The following FCF1 variants were observed in gnomAD, a reference collection of about 807,000 sequenced individuals.
The protein encoded by FCF1 is FCF1 rRNA-processing protein.
FCF1 carries 17 observed loss-of-function variants against 32.5 expected under a neutral mutation model. That is an observed-to-expected ratio of 0.52 (90% CI 0.36 to 0.78). The LOEUF (loss-of-function observed/expected upper bound fraction) is 0.78. FCF1 is among the 30% of genes least tolerant of loss of function. The probability of loss-of-function intolerance (pLI) is 0.00; values close to 1 mark genes in which losing one functional copy is unlikely to be tolerated. For synonymous variants in FCF1, 84 were observed against 78.4 expected, an observed-to-expected ratio of 1.07 and a Z score of -0.38; for missense variants, 201 against 241.1, an observed-to-expected ratio of 0.83 and a Z score of 1.10.
chr14:74,723,578 C>T (rs1026945520), intron 5 of FCF1, among the ~76,000 whole-genome samples: 1 of 151,806 alleles, frequency 6.6e-6, no homozygotes, highest in Non-Finnish European at 1.5e-5. Context: ...CCTGTAATCC[C>T]AGCACTTTGG....
chr14:74,726,055 T>C (rs2090574140), intron 5 of FCF1, among the ~76,000 whole-genome samples: 1 of 151,784 alleles, frequency 6.6e-6, no homozygotes, highest in Non-Finnish European at 1.5e-5. Flanking sequence ...TGAGACCTTG[T>C]CTCTTTAAAA....
intron 3 of FCF1, 158 bp from the exon 4 acceptor site, chr14:74,715,793 T>C (rs764439067): frequency 2.6e-6 from 4 of 1,539,564 alleles, no homozygotes; most frequent in Non-Finnish European, 2.6e-6. Flanking sequence ...GATAATGATA[T>C]TACTTTCTTC....
chr14:74,732,736 C>G lies in FCF1; in HGVS notation c.371C>G (p.Ala124Gly). Residue 124 changes from alanine to glycine, a missense_variant, in exon 6 of 8, where the codon GCC (alanine) becomes GGC (glycine). Physicochemically the swap from Ala to Gly is moderately conservative, Grantham distance 60 (BLOSUM62 0). Transcript: ENST00000341162. The stretch of plus-strand genomic sequence containing the variant: ...TTTCTTTAATCCACCTACAGGATTG[C>G]CAAGGATCCAAGATTTGAACGATTA... ...GQKYRVALRI[A>G]KDPRFERLPC... 1 of 1,609,918 alleles carries G rather than the reference C, an allele frequency of 6.2e-7. No individual in the cohort carries two copies. Among genetic ancestry groups the G allele is most frequent in the African/African-American group, 1.3e-5 (1 of 74,878 alleles).
Position 74,735,467 on chromosome 14 carries a change from T to C in FCF1, c.*537T>C, listed in dbSNP as rs2090694832. The stretch of plus-strand genomic sequence containing the variant: ...TGCAACTGAATTTCTGCTTACACAT[T>C]TTTAAATTTCTTTTAATTGCTTTTC... On this transcript the variant is annotated 3_prime_UTR_variant, in exon 8 of 8. Coordinates refer to ENST00000341162, the MANE Select transcript of FCF1 (RefSeq NM_015962.5). 6.6e-6 allele frequency: 1 copy of C among 152,636 alleles called. No individual in the cohort carries two copies. The highest frequency in any genetic ancestry group is 1.5e-5 in the Non-Finnish European group (1 of 68,394). The allele number at this position is 152,636 out of a possible 1,614,324, so 9.5% of individuals were successfully genotyped here.
intron 5 of FCF1, among the ~76,000 whole-genome samples, chr14:74,731,599 A>G (rs1455276915): frequency 6.6e-6 from 1 of 152,016 alleles, no homozygotes; most frequent in African/African-American, 2.4e-5. Flanking sequence ...TCTCTCCACA[A>G]ACACTCTGCC....
At position 74,732,143 on chromosome 14, in the gene FCF1, A is replaced by G. The variant is rs542536261; in HGVS notation, c.366-588A>G. Among the ~76,000 whole-genome samples the G allele has an allele frequency of 5.5e-5, 8 of 145,714 alleles. No individual in the cohort carries two copies. The South Asian group carries it at 1.8e-3, about 33-fold the overall frequency. Reference sequence around the variant, plus strand: ...GGAAAGAAGGATTTGTATTTTATTAATTAAATCATATTATATATATATATA... The same window carrying G: ...GGAAAGAAGGATTTGTATTTTATTAGTTAAATCATATTATATATATATATA... On this transcript the variant is annotated intron_variant, in intron 5 of 7. Coordinates refer to ENST00000341162, the MANE Select transcript of FCF1 (RefSeq NM_015962.5).
chr14:74,724,242 A>C (rs2090546044), intron 5 of FCF1, among the ~76,000 whole-genome samples: 1 of 152,150 alleles, frequency 6.6e-6, no homozygotes, highest in African/African-American at 2.4e-5. Flanking sequence ...AATTGGTTTA[A>C]AGGATCACAA....
intron 6 of FCF1, among the ~76,000 whole-genome samples, 192 bp from the exon 7 acceptor site, chr14:74,733,884 T>C (rs1307402360): frequency 2.6e-5 from 4 of 152,160 alleles, no homozygotes; most frequent in African/African-American, 7.2e-5. Context: ...CCAGGCAACT[T>C]GTTTATTTTA....
At chr14:74,720,906 T>C (rs1302067161) in intron 4 of FCF1, among the ~76,000 whole-genome samples, 1 of 149,448 alleles carries the variant, frequency 6.7e-6, no homozygotes, top group Non-Finnish European at 1.5e-5. Context: ...TGAGACAGGC[T>C]GTCACTCTGT....
chr14:74,729,380 T>TTC, intron 5 of FCF1, among the ~76,000 whole-genome samples: 1 of 152,110 alleles, frequency 6.6e-6, no homozygotes, highest in Non-Finnish European at 1.5e-5. Flanking sequence ...ATTTTCTAGT[T>TTC]TATTTGCGTA....
chr14:74,723,255 AT>A lies in FCF1; in HGVS notation c.293-10del. 3.1e-6 allele frequency: 5 copies of A among 1,601,800 alleles called. No individual in the cohort carries two copies. The highest frequency in any genetic ancestry group is 4.3e-6 in the Non-Finnish European group (5 of 1,169,352). Reference sequence around the variant, plus strand: ...GTTACAAGTTCTGTTCTTAATGTGAATTTTTTTCCCTGGCAGGTATCCCATG... The same window carrying A: ...GTTACAAGTTCTGTTCTTAATGTGAATTTTTTCCCTGGCAGGTATCCCATG... On this transcript the variant is annotated splice_polypyrimidine_tract_variant and intron_variant, in intron 4 of 7. Transcript: ENST00000341162.
At chr14:74,716,277 G>GA (rs1351400938) in intron 4 of FCF1, among the ~76,000 whole-genome samples, 178 bp downstream of exon 4, 1 of 152,114 alleles carries the variant, frequency 6.6e-6, no homozygotes, top group Non-Finnish European at 1.5e-5. Context: ...AACTTGACTG[G>GA]AAAAAATTAA....
At chr14:74,730,375 T>C (rs2090619793) in intron 5 of FCF1, among the ~76,000 whole-genome samples, 1 of 151,838 alleles carries the variant, frequency 6.6e-6, no homozygotes, top group African/African-American at 2.4e-5. Flanking sequence ...ACTATGCATG[T>C]CTGATTATTT....
chr14:74,715,026 C>G, intron 3 of FCF1, 83 bp downstream of exon 3: 1 of 1,392,614 alleles, frequency 7.2e-7, no homozygotes, highest in Non-Finnish European at 9.7e-7. Flanking sequence ...GGTTTGCTAA[C>G]TTATTTGTTA....
At chr14:74,731,600 A>G (rs1194662340) in intron 5 of FCF1, among the ~76,000 whole-genome samples, 2 of 152,106 alleles carry the variant, frequency 1.3e-5, no homozygotes, top group Non-Finnish European at 2.9e-5. Context: ...CTCTCCACAA[A>G]CACTCTGCCC....
chr14:74,715,003 C>G, intron 3 of FCF1, 60 bp downstream of exon 3: 1 of 1,514,238 alleles, frequency 6.6e-7, no homozygotes, highest in Non-Finnish European at 8.8e-7. Flanking sequence ...GAAATCCAGG[C>G]TTTCCCTGAG....
In FCF1 at chr14:74,725,893, G is replaced by A. The variant is rs1483391541; in HGVS notation, c.365+2549G>A. 5.3e-5 allele frequency among the ~76,000 whole-genome samples: 8 copies of A among 150,312 alleles called. No homozygotes were observed. In the East Asian group the frequency reaches 1.2e-3, roughly 22 times the overall value. On this transcript the variant is annotated intron_variant, in intron 5 of 7. Coordinates refer to ENST00000341162, the MANE Select transcript of FCF1 (RefSeq NM_015962.5). ...GGAGCTTGCAGTGAGCCGAGATCGC[G>A]CCACTGCACTCCAGCCTGGGTGACA...
rs190869032 is a variant in FCF1 at position 74,721,488 on chromosome 14, G to A, written c.293-1784G>A. On this transcript the variant is annotated intron_variant, in intron 4 of 7. Coordinates refer to ENST00000341162, the MANE Select transcript of FCF1 (RefSeq NM_015962.5). ...GTTCGAGGCAGGTGGATTGCTTCAGGTCAGGAGTTCGAAACCAGCCTGACC... is the reference window on the plus strand; with the variant it reads ...GTTCGAGGCAGGTGGATTGCTTCAGATCAGGAGTTCGAAACCAGCCTGACC... Among the ~76,000 whole-genome samples the A allele has an allele frequency of 2.2e-3, 340 of 152,252 alleles. 3 individuals are homozygous for A. Among genetic ancestry groups the A allele is most frequent in the Non-Finnish European group, 6.2e-4 (42 of 68,020 alleles).
chr14:74,719,681 CT>C (rs1272136662), intron 4 of FCF1, among the ~76,000 whole-genome samples: 1 of 152,100 alleles, frequency 6.6e-6, no homozygotes, highest in African/African-American at 2.4e-5. Context: ...GGGAGGATCA[CT>C]TAAGCCTGGG....
Sources: allele counts gnomAD v4.1 joint callset (sites outside exome capture counted in the v4.1 genomes callset), GRCh38; gene constraint gnomAD v4.1.1; transcripts MANE v1.5; gene names NCBI Gene and HGNC (gene_info 2026-07-23, HGNC 2026-07-21).